RIT2: variants seen among roughly 807,000 people sequenced by gnomAD.
RIT2 encodes GTP-binding protein Rit2.
In RIT2, 24 loss-of-function variants were observed where a neutral mutation model predicts 23.7. The observed-to-expected ratio is 1.01, with a 90% CI of 0.73 to 1.43. The LOEUF (loss-of-function observed/expected upper bound fraction) is 1.43. Among genes scored for constraint, RIT2 ranks in the 40% most tolerant of loss-of-function variants. The pLI, the probability that RIT2 is intolerant of heterozygous loss-of-function variation, is 0.00. For synonymous variants in RIT2, 107 were observed against 91.1 expected, an observed-to-expected ratio of 1.17 and a Z score of -0.99; for missense variants, 236 against 266.9, an observed-to-expected ratio of 0.88 and a Z score of 0.81.
chr18:43,092,035 G>T (rs1403683879), intron 1 of RIT2, among the ~76,000 whole-genome samples: 1 of 151,974 alleles, frequency 6.6e-6, no homozygotes, highest in Non-Finnish European at 1.5e-5. Flanking sequence ...CGGTAACTGT[G>T]GTCAAAACAG....
chr18:42,974,109 G>C lies in RIT2; in HGVS notation c.199C>G (p.Pro67Ala). The C allele has an allele frequency of 6.2e-7, 1 of 1,611,462 alleles. No individual in the cohort carries two copies. Among genetic ancestry groups the C allele is most frequent in the Non-Finnish European group, 8.5e-7 (1 of 1,178,402 alleles). ...YKTQVRIDNE[P>A]AYLDILDTAG... Reference sequence around the variant, plus strand: ...GTGTCCAAGATGTCCAAGTAAGCTGGCTCATTGTCAATCCTGACCTGGGTC... The same window carrying C: ...GTGTCCAAGATGTCCAAGTAAGCTGCCTCATTGTCAATCCTGACCTGGGTC... The change falls in exon 3 of 5, where the codon CCA (proline) becomes GCA (alanine). Residue 67 changes from proline (P) to alanine (A), a missense_variant. Transcript: ENST00000326695.
intron 1 of RIT2, among the ~76,000 whole-genome samples, chr18:43,102,639 C>CATTT (rs138870768): frequency 0.095 from 14,342 of 151,290 alleles, 1,074 homozygotes; most frequent in East Asian, 0.37. Context: ...TTTAATTCAG[C>CATTT]ATTTATTTAT....
At chr18:42,906,916 A>G (rs1908638088) in intron 4 of RIT2, among the ~76,000 whole-genome samples, 1 of 152,134 alleles carries the variant, frequency 6.6e-6, no homozygotes, top group Non-Finnish European at 1.5e-5. Context: ...TCTCATTCCT[A>G]TCATCAACTT....
chr18:42,760,782 T>C (rs1472363793), intron 4 of RIT2, among the ~76,000 whole-genome samples: 1 of 152,224 alleles, frequency 6.6e-6, no homozygotes, highest in African/African-American at 2.4e-5. Context: ...TGCAGTGATA[T>C]AGGGACCTTT....
At chr18:42,756,932 CAATTAT>C (rs1357142639) in intron 4 of RIT2, among the ~76,000 whole-genome samples, 2 of 151,306 alleles carry the variant, frequency 1.3e-5, no homozygotes, top group Non-Finnish European at 1.5e-5. Context: ...ACACATAAAA[CAATTAT>C]AATTAAATAA....
At chr18:42,899,336 T>G (rs1908415236) in intron 4 of RIT2, among the ~76,000 whole-genome samples, 1 of 150,950 alleles carries the variant, frequency 6.6e-6, no homozygotes, top group East Asian at 2.1e-4. Context: ...CACTTCAAAA[T>G]GAGTGCTTTC....
chr18:42,838,692 T>C (rs1281151082), intron 4 of RIT2, among the ~76,000 whole-genome samples: 1 of 152,206 alleles, frequency 6.6e-6, no homozygotes, highest in African/African-American at 2.4e-5. Context: ...GTTTTTCCTA[T>C]AGACATGTTG....
intron 1 of RIT2, among the ~76,000 whole-genome samples, chr18:43,055,510 G>C (rs1488038805): frequency 6.6e-6 from 1 of 152,036 alleles, no homozygotes; most frequent in Non-Finnish European, 1.5e-5. Flanking sequence ...TATCCTTCAA[G>C]TTATCCAGAA....
intron 4 of RIT2, among the ~76,000 whole-genome samples, chr18:42,914,033 A>G (rs1482520144): frequency 6.6e-6 from 1 of 152,078 alleles, no homozygotes; most frequent in African/African-American, 2.4e-5. Context: ...ACAGATCCTT[A>G]ACTGTAGAGG....
chr18:43,015,410 T>C (rs2144259191), intron 2 of RIT2, among the ~76,000 whole-genome samples: 1 of 151,804 alleles, frequency 6.6e-6, no homozygotes, highest in Non-Finnish European at 1.5e-5. Flanking sequence ...TCTGAAGTGG[T>C]AAAATTTGAG....
intron 4 of RIT2, among the ~76,000 whole-genome samples, chr18:42,758,187 G>A (rs1400977380): frequency 6.6e-6 from 1 of 151,838 alleles, no homozygotes; most frequent in Non-Finnish European, 1.5e-5. Flanking sequence ...AGAGAAGATA[G>A]GGCTGGGGAA....
chr18:42,869,289 C>A (rs1356869321), intron 4 of RIT2, among the ~76,000 whole-genome samples: 1 of 152,180 alleles, frequency 6.6e-6, no homozygotes, highest in African/African-American at 2.4e-5. Flanking sequence ...GTTCGTGCTC[C>A]TATGAGAATC....
chr18:42,960,198 C>G (rs778330687), intron 3 of RIT2, among the ~76,000 whole-genome samples: 1 of 152,164 alleles, frequency 6.6e-6, no homozygotes, highest in Non-Finnish European at 1.5e-5. Context: ...GTCTACATTA[C>G]CTAACATTAT....
At chr18:42,990,303 C>T (rs1180427001) in intron 2 of RIT2, among the ~76,000 whole-genome samples, 1 of 152,034 alleles carries the variant, frequency 6.6e-6, no homozygotes, top group African/African-American at 2.4e-5. Context: ...GAATGGGGCC[C>T]ATCCACATTA....
intron 1 of RIT2, among the ~76,000 whole-genome samples, chr18:43,042,230 G>C (rs550663199): frequency 6.6e-6 from 1 of 152,078 alleles, no homozygotes; most frequent in Non-Finnish European, 1.5e-5. Context: ...TAATTTTCTC[G>C]TCTGAAAAAT....
At chr18:42,812,156 A>G (rs1008147999) in intron 4 of RIT2, among the ~76,000 whole-genome samples, 11 of 152,276 alleles carry the variant, frequency 7.2e-5, no homozygotes, top group East Asian at 1.9e-4. Flanking sequence ...ACATAATAGT[A>G]TTTTACATCC....
intron 1 of RIT2, among the ~76,000 whole-genome samples, chr18:43,058,228 G>T (rs1399489594): frequency 6.6e-6 from 1 of 152,000 alleles, no homozygotes; most frequent in African/African-American, 2.4e-5. Context: ...CAAATCACTC[G>T]AATGTATAGT....
At chr18:42,903,020 C>A (rs1908518074) in intron 4 of RIT2, among the ~76,000 whole-genome samples, 1 of 151,136 alleles carries the variant, frequency 6.6e-6, no homozygotes, top group Non-Finnish European at 1.5e-5. Context: ...AGAAAAAAGT[C>A]AAAAAGATCG....
At chr18:42,853,457 G>T (rs1029090680) in intron 4 of RIT2, among the ~76,000 whole-genome samples, 1 of 152,186 alleles carries the variant, frequency 6.6e-6, no homozygotes, top group Non-Finnish European at 1.5e-5. Flanking sequence ...ATTCCTTGCA[G>T]AATTTCTAAT....
Sources: allele counts gnomAD v4.1 joint callset (sites outside exome capture counted in the v4.1 genomes callset), GRCh38; gene constraint gnomAD v4.1.1; transcripts MANE v1.5; gene names NCBI Gene and HGNC (gene_info 2026-07-23, HGNC 2026-07-21).